Variants in AP1S3 observed in about 807,000 individuals in gnomAD.
The protein encoded by AP1S3 is adaptor related protein complex 1 subunit sigma 3.
Under a neutral mutation model 20.9 loss-of-function variants are expected in AP1S3, and 10 were observed. That is an observed-to-expected ratio of 0.48 (90% CI 0.29 to 0.81). The LOEUF (loss-of-function observed/expected upper bound fraction) is 0.81, where lower values mean the gene tolerates loss of function less well. Among genes scored for constraint, AP1S3 ranks in the 30% least tolerant of loss-of-function variants. The pLI, the probability that AP1S3 is intolerant of heterozygous loss-of-function variation, is 0.08. For synonymous variants in AP1S3, 41 were observed against 61.5 expected (o/e 0.67, Z 1.56); for missense variants, 154 against 183.8 (o/e 0.84, Z 0.94).
At position 223,758,438 on chromosome 2, in the gene AP1S3, T is replaced by C; in HGVS notation, c.*277A>G. On this transcript the variant is annotated 3_prime_UTR_variant, in exon 5 of 5. Transcript: ENST00000396654. Reference sequence around the variant, plus strand: ...AAAACATAACATGGAGTTAATACATTACAAATATTGTCTGTTGGGTTAGGT... The same window carrying C: ...AAAACATAACATGGAGTTAATACATCACAAATATTGTCTGTTGGGTTAGGT... 3.5e-6 allele frequency: 4 copies of C among 1,141,294 alleles called. No homozygotes were observed. In the South Asian group the frequency reaches 1.7e-4, roughly 50 times the overall value. 70.7% of individuals were successfully genotyped at this position (1,141,294 alleles called of 1,614,324 possible).
intron 3 of AP1S3, among the ~76,000 whole-genome samples, chr2:223,772,056 G>A (rs79602772): frequency 5.9e-5 from 9 of 152,192 alleles, no homozygotes; most frequent in Non-Finnish European, 8.8e-5. Flanking sequence ...GCAGTGAGCC[G>A]AGACCGCGCC....
At chr2:223,811,669 C>G (rs1421217908) in intron 1 of AP1S3, among the ~76,000 whole-genome samples, 1 of 152,006 alleles carries the variant, frequency 6.6e-6, no homozygotes, top group East Asian at 1.9e-4. Context: ...TCTAATACAA[C>G]TATTGATGCT....
At chr2:223,765,182 T>TC in intron 4 of AP1S3, 31 bp downstream of exon 4, 1 of 1,367,312 alleles carries the variant, frequency 7.3e-7, no homozygotes, top group African/African-American at 1.6e-5. Context: ...CATCATCATC[T>TC]TTCTCCCATG....
intron 1 of AP1S3, among the ~76,000 whole-genome samples, chr2:223,805,363 A>C (rs1437559698): frequency 6.6e-6 from 1 of 152,184 alleles, no homozygotes; most frequent in Non-Finnish European, 1.5e-5. Flanking sequence ...GAATCGCTTG[A>C]AACAGGGAGG....
intron 2 of AP1S3, among the ~76,000 whole-genome samples, chr2:223,777,433 G>C (rs537027541): frequency 6.6e-6 from 1 of 152,220 alleles, no homozygotes; most frequent in Non-Finnish European, 1.5e-5. Flanking sequence ...AATGTAACAG[G>C]TGTTCATACC....
chr2:223,773,566 C>T (rs1300856629), intron 3 of AP1S3, among the ~76,000 whole-genome samples: 1 of 152,104 alleles, frequency 6.6e-6, no homozygotes, highest in Non-Finnish European at 1.5e-5. Context: ...ATCCCTGAAG[C>T]AACATTTTAG....
rs536939426 is a variant in AP1S3, at chr2:223,795,470, C to T, written c.4-17601G>A. 2.0e-5 allele frequency among the ~76,000 whole-genome samples: 3 copies of T among 152,302 alleles called. No homozygotes were observed. In the East Asian group the frequency reaches 5.8e-4, roughly 29 times the overall value. Reference sequence around the variant, plus strand: ...CCTTTGAAACAAATGTTACATTCCACAAATTTAAATGTTAGCTTTTTCAAG... The same window carrying T: ...CCTTTGAAACAAATGTTACATTCCATAAATTTAAATGTTAGCTTTTTCAAG... On this transcript the variant is annotated intron_variant, in intron 1 of 4. Coordinates refer to ENST00000396654, the MANE Select transcript of AP1S3 (RefSeq NM_001039569.2).
intron 4 of AP1S3, among the ~76,000 whole-genome samples, chr2:223,761,544 C>A (rs1690354157): frequency 6.6e-6 from 1 of 152,076 alleles, no homozygotes; most frequent in South Asian, 2.1e-4. Flanking sequence ...TTCACCTTAG[C>A]CTTCCGAGTA....
Position 223,755,516 on chromosome 2 carries a change from T to C in AP1S3, c.*3199A>G, listed in dbSNP as rs1690189472. Among the ~76,000 whole-genome samples the C allele has an allele frequency of 6.9e-6, 1 of 145,590 alleles. No homozygotes were observed. Among genetic ancestry groups the C allele is most frequent in the African/African-American group, 2.5e-5 (1 of 39,594 alleles). On this transcript the variant is annotated 3_prime_UTR_variant, in exon 5 of 5. Transcript: ENST00000396654. ...TACCCCACTGTGCCATATAGATATG[T>C]TTACTTACTTTCATTTTTTTTTTTT...
chr2:223,782,807 G>C (rs919224425), intron 1 of AP1S3, among the ~76,000 whole-genome samples: 1 of 152,138 alleles, frequency 6.6e-6, no homozygotes, highest in Admixed American at 6.5e-5. Context: ...CTCACGTTCT[G>C]CTCTGCTTGA....
At chr2:223,826,264 G>A (rs1692125584) in intron 1 of AP1S3, among the ~76,000 whole-genome samples, 1 of 152,028 alleles carries the variant, frequency 6.6e-6, no homozygotes, top group African/African-American at 2.4e-5. Context: ...AGAAATTCCA[G>A]GAAATTTCAG....
chr2:223,764,966 G>A (rs1024733496), intron 4 of AP1S3: 2 of 476,924 alleles, frequency 4.2e-6, no homozygotes, highest in African/African-American at 4.0e-5. Flanking sequence ...CACACTTCCT[G>A]TGTGAAATTG....
At chr2:223,801,430 T>C (rs756311148) in intron 1 of AP1S3, among the ~76,000 whole-genome samples, 6 of 152,132 alleles carry the variant, frequency 3.9e-5, no homozygotes, top group Non-Finnish European at 8.8e-5. Context: ...ACTATGATAT[T>C]GAACCACCCA....
chr2:223,777,704 G>A lies in AP1S3; in HGVS notation c.169C>T (p.Leu57Phe). The change falls in exon 2 of 5, where the codon CTT (leucine) becomes TTT (phenylalanine). Residue 57 changes from leucine to phenylalanine, a missense_variant. Transcript: ENST00000396654. The part of the protein sequence containing the change: ...SSFVDWKELK[L>F]VYKRYASLYF... ...AGTTACTCACACCTTTTATAAACAA[G>A]TTTTAGCTCCTTCCAGTCAACAAAA... 1.2e-6 allele frequency: 2 copies of A among 1,613,216 alleles called. No individual in the cohort carries two copies. Among genetic ancestry groups the A allele is most frequent in the Non-Finnish European group, 1.7e-6 (2 of 1,179,782 alleles).
At chr2:223,766,466 C>T (rs1042241571) in intron 3 of AP1S3, among the ~76,000 whole-genome samples, 1 of 152,180 alleles carries the variant, frequency 6.6e-6, no homozygotes, top group African/African-American at 2.4e-5. Flanking sequence ...GCTTTTGTCA[C>T]TAGTCATTAG....
At chr2:223,788,213 C>G (rs1221991186) in intron 1 of AP1S3, among the ~76,000 whole-genome samples, 1 of 151,792 alleles carries the variant, frequency 6.6e-6, no homozygotes, top group East Asian at 2.0e-4. Flanking sequence ...TCCCAAAGTG[C>G]TGGGATTACA....
chr2:223,788,763 A>T (rs563243767), intron 1 of AP1S3, among the ~76,000 whole-genome samples: 10 of 110,336 alleles, frequency 9.1e-5, no homozygotes, highest in South Asian at 7.4e-4. Flanking sequence ...GACTCTGTCT[A>T]AAAAAAAAAA....
At chr2:223,813,814 C>T (rs771400437) in intron 1 of AP1S3, among the ~76,000 whole-genome samples, 1 of 152,112 alleles carries the variant, frequency 6.6e-6, no homozygotes, top group Admixed American at 6.6e-5. Context: ...ACAAAGGGTC[C>T]CATGCTTAGA....
chr2:223,799,930 G>A (rs533988632), intron 1 of AP1S3, among the ~76,000 whole-genome samples: 1 of 152,280 alleles, frequency 6.6e-6, no homozygotes, highest in South Asian at 2.1e-4. Context: ...TTAATGTATG[G>A]CCAGGTGTGG....
Sources: allele counts gnomAD v4.1 joint callset (sites outside exome capture counted in the v4.1 genomes callset), GRCh38; gene constraint gnomAD v4.1.1; transcripts MANE v1.5; gene names NCBI Gene and HGNC (gene_info 2026-07-23, HGNC 2026-07-21).